TERT: variants seen among roughly 807,000 people sequenced by gnomAD.
TERT encodes telomerase reverse transcriptase.
A neutral mutation model predicts 104.0 loss-of-function variants in TERT; 42 were observed. The ratio of observed to expected loss-of-function variants is 0.40; its 90% confidence interval spans 0.32 to 0.52. The LOEUF (loss-of-function observed/expected upper bound fraction) is 0.52. Ranked by LOEUF, TERT falls within the 20% of genes least tolerant of loss-of-function variation. TERT has a pLI of 0.43. For synonymous variants in TERT, 781 were observed against 725.6 expected (o/e 1.08, Z -1.23); for missense variants, 1,101 against 1,610.3 (o/e 0.68, Z 5.41).
chr5:1,294,483 C>T lies in TERT; in HGVS notation c.403G>A (p.Gly135Arg), dbSNP rs200843534. ...NTVTDALRGSGAWGLLLRRVG... is the reference protein window; with the variant it reads ...NTVTDALRGSRAWGLLLRRVG... The stretch of plus-strand genomic sequence containing the variant: ...CGGCGCAGCAGCAGCCCCCACGCCC[C>T]GCTCCCCCGCAGTGCGTCGGTCACC... Residue 135 changes from glycine (G) to arginine (R), a missense_variant, in exon 2 of 16, where the codon GGG becomes AGG. Transcript: ENST00000310581. The T allele has an allele frequency of 5.5e-5, 88 of 1,588,898 alleles. No homozygotes were observed. The African/African-American group carries it at 9.1e-4, about 16-fold the overall frequency.
In TERT at chr5:1,261,726, C is replaced by T. The variant is rs1387341504; in HGVS notation, c.2844-1126G>A. 6.6e-6 allele frequency among the ~76,000 whole-genome samples: 1 copy of T among 152,210 alleles called. No individual in the cohort carries two copies. Among genetic ancestry groups the T allele is most frequent in the African/African-American group, 2.4e-5 (1 of 41,452 alleles). On this transcript the variant is annotated intron_variant, in intron 11 of 15. Coordinates refer to ENST00000310581, the MANE Select transcript of TERT (RefSeq NM_198253.3). The surrounding 1 kb of genome is among the most constrained non-coding windows in gnomAD (Gnocchi z 7.4). The stretch of plus-strand genomic sequence containing the variant: ...CAGACGTCCATTTCTTCTTTCACAG[C>T]CATCCCCAACACGACCTTGGGCTCC...
At chr5:1,291,986 T>TA (rs1751022136) in intron 2 of TERT, among the ~76,000 whole-genome samples, 1 of 152,166 alleles carries the variant, frequency 6.6e-6, no homozygotes, top group Non-Finnish European at 1.5e-5. Flanking sequence ...GTTCGATGGG[T>TA]AGGGACTTCC....
intron 6 of TERT, among the ~76,000 whole-genome samples, chr5:1,277,838 C>T (rs1486060167): frequency 2.0e-5 from 3 of 152,318 alleles, no homozygotes; most frequent in Admixed American, 6.5e-5. Flanking sequence ...CAGACCGAAG[C>T]TCCAGGGATA....
At chr5:1,254,321 T>A in intron 15 of TERT, 47 bp downstream of exon 15, 1 of 1,612,266 alleles carries the variant, frequency 6.2e-7, no homozygotes, top group Non-Finnish European at 8.5e-7. Context: ...CGTTCAAGGA[T>A]GACCCCTGGG....
intron 2 of TERT, among the ~76,000 whole-genome samples, chr5:1,290,261 G>A (rs1235380296): frequency 1.6e-5 from 1 of 63,230 alleles, no homozygotes; most frequent in Non-Finnish European, 2.8e-5. Flanking sequence ...CCCGGGGGCC[G>A]TGCCTCACTC....
Position 1,294,476 on chromosome 5 carries a change from C to A in TERT, c.410G>T (p.Trp137Leu). The change falls in exon 2 of 16, where the codon TGG becomes TTG. Residue 137 changes from tryptophan to leucine, a missense_variant. Around this residue, in one of 5 missense-constraint regions of TERT, gnomAD observed 47 missense variants for 105.3 expected, o/e 0.45. Coordinates refer to ENST00000310581, the MANE Select transcript of TERT (RefSeq NM_198253.3). ...VTDALRGSGAWGLLLRRVGDD... is the reference protein window; with the variant it reads ...VTDALRGSGALGLLLRRVGDD... ...GCCCACGCGGCGCAGCAGCAGCCCC[C>A]ACGCCCCGCTCCCCCGCAGTGCGTC... 1 of 1,590,242 alleles carries A rather than the reference C, an allele frequency of 6.3e-7. No individual in the cohort carries two copies. The highest frequency in any genetic ancestry group is 2.2e-5 in the East Asian group (1 of 44,518).
intron 2 of TERT, among the ~76,000 whole-genome samples, chr5:1,283,948 G>A (rs1400909338): frequency 1.5e-5 from 2 of 136,042 alleles, no homozygotes; most frequent in African/African-American, 5.7e-5. Flanking sequence ...CCAGCTCACC[G>A]CAGGGCCTGG....
At chr5:1,282,695 C>A in intron 2 of TERT, 71 bp from the exon 3 acceptor site, 3 of 1,499,014 alleles carry the variant, frequency 2.0e-6, no homozygotes, top group Non-Finnish European at 2.8e-6. Context: ...CCTGCACCAT[C>A]CGGACACCGC....
intron 12 of TERT, among the ~76,000 whole-genome samples, chr5:1,259,745 C>T (rs182657525): frequency 2.1e-4 from 27 of 130,944 alleles, no homozygotes; most frequent in East Asian, 1.9e-3. Flanking sequence ...GGAGTGGACG[C>T]GGATGCCCAC....
intron 9 of TERT, 95 bp from the exon 10 acceptor site, chr5:1,266,630 A>G: frequency 9.7e-7 from 1 of 1,029,248 alleles, no homozygotes; most frequent in Non-Finnish European, 1.5e-6. Flanking sequence ...TTACACAGCC[A>G]TAAATAAAGT....
intron 11 of TERT, 102 bp from the exon 12 acceptor site, chr5:1,260,702 T>C (rs1748172139): frequency 6.5e-7 from 1 of 1,543,186 alleles, no homozygotes; most frequent in African/African-American, 1.4e-5. Context: ...TCCCGCTTCC[T>C]TGTCCTGCCT....
intron 2 of TERT, among the ~76,000 whole-genome samples, chr5:1,285,840 T>C (rs1183573041): frequency 6.6e-6 from 1 of 152,026 alleles, no homozygotes; most frequent in African/African-American, 2.4e-5. Context: ...AGTGCTGGGA[T>C]TACAGGCGTG....
rs564615942 is a variant in TERT, at chr5:1,256,337, T to C, written c.3033-926A>G. On this transcript the variant is annotated intron_variant, in intron 13 of 15. Transcript: ENST00000310581. This position sits in a 1 kb window ranked among gnomAD's most constrained non-coding sequence, Gnocchi z 7.0. ...CCTGTCAGCCTCCATCTTTGGCCTC[T>C]CAGCTTCCTGGGACTTTGGGGCAGG... Among the ~76,000 whole-genome samples the C allele has an allele frequency of 4.6e-5, 7 of 152,222 alleles. No homozygotes were observed. In the South Asian group the frequency reaches 8.3e-4, roughly 18 times the overall value.
At position 1,294,776 on chromosome 5, in the gene TERT, G is replaced by A. The variant is rs943289163; in HGVS notation, c.214C>T (p.Arg72Cys). ...CCGACCCCGGGGAGGCCCACCTGGC[G>A]GAAGGAGGGGGCGGCGGGGGGCGGC... is the stretch of plus-strand genomic sequence containing the variant. ...ARPPPAAPSF[R>C]QVSCLKELVA... Residue 72 changes from arginine to cysteine, a missense_variant, in exon 1 of 16, where the codon CGC becomes TGC. By Grantham distance (180) the Arg-to-Cys change is radical. Around this residue, in one of 5 missense-constraint regions of TERT, gnomAD observed 87 missense variants for 145.4 expected, o/e 0.60. Coordinates refer to ENST00000310581, the MANE Select transcript of TERT (RefSeq NM_198253.3). 1 of 1,537,934 alleles carries A rather than the reference G, an allele frequency of 6.5e-7. No individual in the cohort carries two copies. The highest frequency in any genetic ancestry group is 2.4e-5 in the East Asian group (1 of 40,894).
chr5:1,294,438 C>G lies in TERT; in HGVS notation c.448G>C (p.Val150Leu). The G allele has an allele frequency of 2.5e-6, 4 of 1,592,624 alleles. No individual in the cohort carries two copies. The highest frequency in any genetic ancestry group is 3.4e-6 in the Non-Finnish European group (4 of 1,177,384). ...AGCGCGCAGCGTGCCAGCAGGTGAA[C>G]CAGCACGTCGTCGCCCACGCGGCGC... Reference protein sequence around the residue: ...LLRRVGDDVLVHLLARCALFV... With the variant: ...LLRRVGDDVLLHLLARCALFV... The change falls in exon 2 of 16, where the codon GTT becomes CTT. Residue 150 changes from valine (V) to leucine (L), a missense_variant. By Grantham distance (32) the Val-to-Leu change is conservative (BLOSUM62 1). This residue lies in a region of TERT where 47 missense variants were observed against 105.3 expected (regional missense o/e 0.45). Transcript: ENST00000310581.
At chr5:1,276,557 C>T (rs1204093553) in intron 6 of TERT, among the ~76,000 whole-genome samples, 6 of 150,070 alleles carry the variant, frequency 4.0e-5, no homozygotes, top group African/African-American at 1.5e-4. Flanking sequence ...GAAAACCAAT[C>T]CCACCTACCC....
intron 14 of TERT, among the ~76,000 whole-genome samples, chr5:1,254,874 G>A (rs993878614): frequency 5.9e-5 from 9 of 152,186 alleles, no homozygotes; most frequent in Non-Finnish European, 1.5e-5. Flanking sequence ...GCTCCTGAGA[G>A]GGGTGGGGTA....
intron 6 of TERT, among the ~76,000 whole-genome samples, chr5:1,277,353 C>T (rs938102012): frequency 4.6e-5 from 7 of 152,216 alleles, no homozygotes; most frequent in African/African-American, 7.2e-5. Flanking sequence ...TCACAGCAGG[C>T]GCAGCCGTGC....
chr5:1,254,342 C>G (rs1412358391), intron 15 of TERT, 26 bp downstream of exon 15: 1 of 1,612,716 alleles, frequency 6.2e-7, no homozygotes. Context: ...CAGGTGGGGC[C>G]CGCACTGGCC....
Sources: gnomAD v4.1 joint callset for allele counts (sites outside exome capture counted in the v4.1 genomes callset) on GRCh38, gnomAD v4.1.1 for gene constraint, gnomAD v4.1.1 regional missense constraint, Gnocchi (gnomAD v3.1) non-coding constraint, MANE v1.5 for transcripts, NCBI Gene and HGNC (gene_info 2026-07-23, HGNC 2026-07-21) for gene names.